Variants in HNMT observed in about 807,000 individuals in gnomAD.
The protein encoded by HNMT is histamine N-methyltransferase.
In HNMT, 30 loss-of-function variants were observed where a neutral mutation model predicts 32.1. The observed-to-expected ratio is 0.93, with a 90% CI of 0.70 to 1.27. The LOEUF is 1.27. Ranked by LOEUF, HNMT falls within the 50% of genes most tolerant of loss-of-function variation. The probability of loss-of-function intolerance (pLI) is 0.00; values close to 1 mark genes in which losing one functional copy is unlikely to be tolerated. For synonymous variants in HNMT, 125 were observed against 119.0 expected (o/e 1.05, Z -0.33); for missense variants, 327 against 346.0 (o/e 0.95, Z 0.43).
intron 2 of HNMT, among the ~76,000 whole-genome samples, chr2:137,977,075 A>C (rs531057025): frequency 6.6e-6 from 1 of 152,240 alleles, no homozygotes; most frequent in South Asian, 2.1e-4. Flanking sequence ...AAAGCAAATA[A>C]ACTTAGTTCT....
chr2:137,985,149 C>T (rs577306094), intron 2 of HNMT, among the ~76,000 whole-genome samples: 49 of 150,938 alleles, frequency 3.2e-4, no homozygotes, highest in African/African-American at 1.1e-3. Flanking sequence ...CTGCCTAAAA[C>T]GTGCATGGAC....
intron 5 of HNMT, among the ~76,000 whole-genome samples, 197 bp downstream of exon 5, chr2:138,005,422 T>C (rs1017639613): frequency 2.6e-5 from 4 of 152,096 alleles, no homozygotes; most frequent in African/African-American, 9.7e-5. Flanking sequence ...TATAGTGGAA[T>C]TAAACATCTG....
chr2:138,012,076 T>C (rs1000905254), intron 5 of HNMT, among the ~76,000 whole-genome samples: 1 of 152,172 alleles, frequency 6.6e-6, no homozygotes, highest in Non-Finnish European at 1.5e-5. Flanking sequence ...AATAGCAGGC[T>C]TGCTTTTTTA....
intron 2 of HNMT, among the ~76,000 whole-genome samples, chr2:137,984,543 G>A (rs1680595376): frequency 6.6e-6 from 1 of 152,084 alleles, no homozygotes. Flanking sequence ...GCATTTCCTG[G>A]CATATAATGG....
intron 4 of HNMT, 29 bp downstream of exon 4, chr2:138,002,223 C>T (rs1558745219): frequency 1.5e-6 from 2 of 1,371,664 alleles, no homozygotes; most frequent in Non-Finnish European, 9.8e-7. Context: ...AATATATACT[C>T]AGAAAGAAGA....
chr2:137,976,087 T>C (rs1439166202), intron 2 of HNMT, among the ~76,000 whole-genome samples: 1 of 151,786 alleles, frequency 6.6e-6, no homozygotes, highest in African/African-American at 2.4e-5. Flanking sequence ...GCCAACATAG[T>C]GAAACCCGGC....
rs528657591 is a variant in HNMT at position 138,014,208 on chromosome 2, C to T, written c.*78C>T. The T allele has an allele frequency of 1.4e-4, 131 of 905,196 alleles. No individual in the cohort carries two copies. Among genetic ancestry groups the T allele is most frequent in the Middle Eastern group, 1.1e-3 (4 of 3,732 alleles). 56.1% of individuals were successfully genotyped at this position (905,196 alleles called of 1,614,324 possible). On this transcript the variant is annotated 3_prime_UTR_variant, in exon 6 of 6. Transcript: ENST00000280097. ...CTCATTTATTTCCATATTAAAATCA[C>T]AAACTCATCCATTAATGTAGATAAA...
At chr2:137,967,028 G>C in intron 1 of HNMT, 1 of 776,462 alleles carries the variant, frequency 1.3e-6, no homozygotes, top group Non-Finnish European at 2.4e-6. Context: ...CGTTTGACTG[G>C]ATATAGAACT....
At chr2:138,012,334 C>T (rs1681530972) in intron 5 of HNMT, among the ~76,000 whole-genome samples, 1 of 152,078 alleles carries the variant, frequency 6.6e-6, no homozygotes, top group Non-Finnish European at 1.5e-5. Context: ...GAGTTCAGCT[C>T]ATGTCTGTCT....
intron 2 of HNMT, among the ~76,000 whole-genome samples, chr2:137,997,105 A>C (rs928065024): frequency 8.5e-5 from 13 of 152,244 alleles, no homozygotes; most frequent in Admixed American, 5.9e-4. Context: ...TTCAGGACAT[A>C]GGCATGGGCA....
In HNMT at chr2:138,014,962, T is replaced by C. The variant is rs1260125323; in HGVS notation, c.*832T>C. On this transcript the variant is annotated 3_prime_UTR_variant, in exon 6 of 6. Transcript: ENST00000280097. ...CCCCTCAAAATAATAGCCAGATGTA[T>C]AAACAAAATTTATTGAAGAACAAAG... is the stretch of plus-strand genomic sequence containing the variant. 1.3e-5 allele frequency: 2 copies of C among 152,060 alleles called. No individual in the cohort carries two copies. The highest frequency in any genetic ancestry group is 1.3e-4 in the Admixed American group (2 of 15,248). 9.4% of individuals were successfully genotyped at this position (152,060 alleles called of 1,614,324 possible).
chr2:137,999,797 A>G (rs1681105149), intron 2 of HNMT, among the ~76,000 whole-genome samples: 1 of 152,200 alleles, frequency 6.6e-6, no homozygotes, highest in African/African-American at 2.4e-5. Context: ...AACAATAAAA[A>G]TAATGAACAG....
chr2:137,991,417 C>A lies in HNMT; in HGVS notation c.191-9501C>A, dbSNP rs187858899. The stretch of plus-strand genomic sequence containing the variant: ...TTGATCTCTCTGTGCAGCATTAATT[C>A]CTCTAGGATATGGGACAGGACCTCC... On this transcript the variant is annotated intron_variant, in intron 2 of 5. Transcript: ENST00000280097. Among the ~76,000 whole-genome samples the A allele has an allele frequency of 1.8e-3, 275 of 152,322 alleles. 2 individuals are homozygous for A. Among genetic ancestry groups the A allele is most frequent in the African/African-American group, 6.2e-3 (258 of 41,582 alleles).
chr2:138,001,674 C>A (rs940905258), intron 3 of HNMT, among the ~76,000 whole-genome samples: 1 of 152,028 alleles, frequency 6.6e-6, no homozygotes, highest in Non-Finnish European at 1.5e-5. Flanking sequence ...TTTTAGCTTG[C>A]GGTTCATACA....
At chr2:138,000,505 T>C (rs1345272864) in intron 2 of HNMT, among the ~76,000 whole-genome samples, 2 of 152,064 alleles carry the variant, frequency 1.3e-5, no homozygotes, top group Non-Finnish European at 2.9e-5. Flanking sequence ...ACTCTGCCAG[T>C]TCTGAGGTGC....
At chr2:137,990,128 G>C (rs975142025) in intron 2 of HNMT, among the ~76,000 whole-genome samples, 1 of 152,012 alleles carries the variant, frequency 6.6e-6, no homozygotes, top group Admixed American at 6.6e-5. Flanking sequence ...CATAGATTAT[G>C]CCTTTGGTTT....
intron 1 of HNMT, among the ~76,000 whole-genome samples, chr2:137,965,902 T>A (rs1233569324): frequency 2.0e-5 from 3 of 152,194 alleles, no homozygotes; most frequent in African/African-American, 7.2e-5. Context: ...CCCTTCCTTA[T>A]CTTCAAAGTT....
At chr2:137,965,749 G>A (rs989580937) in intron 1 of HNMT, among the ~76,000 whole-genome samples, 7 of 152,150 alleles carry the variant, frequency 4.6e-5, no homozygotes, top group African/African-American at 1.7e-4. Context: ...TAAAGGTAAT[G>A]AGTTAATTTC....
intron 2 of HNMT, among the ~76,000 whole-genome samples, chr2:137,997,327 GA>G (rs1027140635): frequency 4.0e-5 from 6 of 149,236 alleles, no homozygotes; most frequent in African/African-American, 9.8e-5. Context: ...GAATTTATAA[GA>G]AAAAAAAAGC....
Sources: allele counts gnomAD v4.1 joint callset (sites outside exome capture counted in the v4.1 genomes callset), GRCh38; gene constraint gnomAD v4.1.1; transcripts MANE v1.5; gene names NCBI Gene and HGNC (gene_info 2026-07-23, HGNC 2026-07-21).